The following NOL4 variants were observed in gnomAD, a reference collection of about 807,000 sequenced individuals.
NOL4 encodes the protein nucleolar protein 4, also known as cancer/testis antigen 125.
Under a neutral mutation model 75.9 loss-of-function variants are expected in NOL4, and 17 were observed. The ratio of observed to expected loss-of-function variants is 0.22; its 90% CI spans 0.15 to 0.34. The LOEUF is 0.34. NOL4 is among the 10% of genes least tolerant of loss of function. The pLI, the probability that NOL4 is intolerant of heterozygous loss-of-function variation, is 1.00. For missense variants in NOL4, 614 were observed against 793.5 expected (o/e 0.77, Z 2.72); for synonymous variants, 292 against 289.9 (o/e 1.01, Z -0.07).
chr18:34,127,378 A>G (rs1362469690), intron 2 of NOL4, among the ~76,000 whole-genome samples: 2 of 151,918 alleles, frequency 1.3e-5, no homozygotes, highest in Non-Finnish European at 2.9e-5. Flanking sequence ...GATTAGTTAT[A>G]TAAGTATGGT....
chr18:34,187,592 T>C (rs1485529459), intron 1 of NOL4, among the ~76,000 whole-genome samples: 1 of 152,104 alleles, frequency 6.6e-6, no homozygotes, highest in East Asian at 1.9e-4. Context: ...TTTCACCGTG[T>C]TAGCCAGGAT....
chr18:34,099,498 C>T (rs1451758035), intron 4 of NOL4, among the ~76,000 whole-genome samples: 2 of 152,006 alleles, frequency 1.3e-5, no homozygotes, highest in Non-Finnish European at 1.5e-5. Flanking sequence ...CCATTTTGCT[C>T]TCATAATCAT....
intron 1 of NOL4, among the ~76,000 whole-genome samples, chr18:34,197,889 C>A (rs2035451812): frequency 6.6e-6 from 1 of 151,722 alleles, no homozygotes; most frequent in Non-Finnish European, 1.5e-5. Flanking sequence ...ATTTATGGGA[C>A]AATATCCAAA....
intron 6 of NOL4, among the ~76,000 whole-genome samples, chr18:33,980,920 T>A (rs1335287926): frequency 2.0e-5 from 3 of 152,038 alleles, no homozygotes; most frequent in Admixed American, 1.3e-4. Flanking sequence ...TAATCATGAT[T>A]AATATTCTGG....
At chr18:33,867,551 T>A (rs1207547730) in intron 10 of NOL4, among the ~76,000 whole-genome samples, 1 of 151,928 alleles carries the variant, frequency 6.6e-6, no homozygotes, top group Non-Finnish European at 1.5e-5. Flanking sequence ...CTCAGGGCAT[T>A]TTGGAGGTTT....
At chr18:34,108,212 A>G (rs906989510) in intron 2 of NOL4, among the ~76,000 whole-genome samples, 5 of 152,202 alleles carry the variant, frequency 3.3e-5, no homozygotes, top group Middle Eastern at 3.2e-3. Context: ...AGATATGCAA[A>G]AGATGAAGAA....
intron 9 of NOL4, among the ~76,000 whole-genome samples, chr18:33,923,849 T>C (rs2067177015): frequency 6.6e-6 from 1 of 152,164 alleles, no homozygotes; most frequent in Non-Finnish European, 1.5e-5. Context: ...TCTAAACCTT[T>C]CTTTTGTCAG....
chr18:33,868,476 C>T (rs1349355220), intron 10 of NOL4, among the ~76,000 whole-genome samples: 2 of 152,082 alleles, frequency 1.3e-5, no homozygotes, highest in African/African-American at 4.8e-5. Flanking sequence ...GGAGAATTCC[C>T]TTACAATATC....
intron 1 of NOL4, among the ~76,000 whole-genome samples, chr18:34,165,211 G>A (rs1280676558): frequency 6.6e-5 from 10 of 150,864 alleles, no homozygotes; most frequent in Non-Finnish European, 1.2e-4. Context: ...TGCACATTGT[G>A]CACATGTACC....
intron 9 of NOL4, among the ~76,000 whole-genome samples, chr18:33,895,131 A>C (rs1219336556): frequency 6.6e-6 from 1 of 152,126 alleles, no homozygotes; most frequent in Non-Finnish European, 1.5e-5. Flanking sequence ...TAATATGAAT[A>C]AATTCCTTAA....
chr18:34,056,673 C>T (rs553996328), intron 5 of NOL4, among the ~76,000 whole-genome samples: 22 of 152,256 alleles, frequency 1.4e-4, no homozygotes, highest in African/African-American at 5.1e-4. Context: ...ATGTTTCCTC[C>T]AGTGTGCACT....
At chr18:34,054,100 T>C (rs1341720141) in intron 5 of NOL4, among the ~76,000 whole-genome samples, 4 of 152,016 alleles carry the variant, frequency 2.6e-5, no homozygotes, top group Non-Finnish European at 5.9e-5. Context: ...ATTTCAATCA[T>C]TTTAAATATG....
intron 1 of NOL4, among the ~76,000 whole-genome samples, chr18:34,160,204 G>C (rs998021533): frequency 7.9e-5 from 12 of 152,038 alleles, no homozygotes; most frequent in African/African-American, 2.9e-4. Context: ...AAAGAAAAAG[G>C]CAAAGAAACA....
chr18:33,965,226 G>A (rs1363617172), intron 6 of NOL4, among the ~76,000 whole-genome samples: 4 of 152,126 alleles, frequency 2.6e-5, no homozygotes, highest in South Asian at 2.1e-4. Context: ...TATAATCCCA[G>A]AACATTGGGA....
intron 6 of NOL4, among the ~76,000 whole-genome samples, chr18:33,992,209 C>T (rs2072971685): frequency 6.6e-6 from 1 of 151,820 alleles, no homozygotes; most frequent in Non-Finnish European, 1.5e-5. Flanking sequence ...ACGTTTCAAC[C>T]CTAAATCTAT....
chr18:34,183,959 T>C (rs556553121), intron 1 of NOL4, among the ~76,000 whole-genome samples: 5 of 151,542 alleles, frequency 3.3e-5, no homozygotes, highest in Admixed American at 6.6e-5. Context: ...TAAATAAATA[T>C]GTAAATAAAA....
intron 5 of NOL4, among the ~76,000 whole-genome samples, chr18:34,083,035 T>C (rs1258122399): frequency 6.6e-6 from 1 of 152,208 alleles, no homozygotes; most frequent in Non-Finnish European, 1.5e-5. Context: ...AAATATTTTA[T>C]GAAAAGTGAT....
chr18:34,188,674 G>A (rs2146384448), intron 1 of NOL4, among the ~76,000 whole-genome samples: 1 of 152,270 alleles, frequency 6.6e-6, no homozygotes, highest in South Asian at 2.1e-4. Context: ...ACCACCCAAA[G>A]AGTGTATTAT....
chr18:34,067,673 T>C (rs576584937), intron 5 of NOL4, among the ~76,000 whole-genome samples: 33 of 152,328 alleles, frequency 2.2e-4, no homozygotes, highest in South Asian at 1.0e-3. Context: ...ATGGGAGTTA[T>C]AAATCCAAGT....
Sources: gnomAD v4.1 joint callset for allele counts (sites outside exome capture counted in the v4.1 genomes callset) on GRCh38, gnomAD v4.1.1 for gene constraint, MANE v1.5 for transcripts, NCBI Gene and HGNC (gene_info 2026-07-23, HGNC 2026-07-21) for gene names.